Variants in STAT3 observed in about 807,000 individuals in gnomAD.
STAT3 encodes the protein DNA-binding protein APRF.
In STAT3, 7 loss-of-function variants were observed where a neutral mutation model predicts 114.3. That is an observed-to-expected ratio of 0.06 (90% confidence interval 0.03 to 0.11). The LOEUF (loss-of-function observed/expected upper bound fraction) is 0.11, where lower values mean the gene tolerates loss of function less well. Among genes scored for constraint, STAT3 ranks in the 10% least tolerant of loss-of-function variants. The pLI, the probability that STAT3 is intolerant of heterozygous loss-of-function variation, is 1.00. For missense variants in STAT3, 364 were observed against 960.9 expected (o/e 0.38, Z 8.21); for synonymous variants, 331 against 354.5 (o/e 0.93, Z 0.74).
chr17:42,348,617 C>A, intron 1 of STAT3, 78 bp from the exon 2 acceptor site: 1 of 1,538,154 alleles, frequency 6.5e-7, no homozygotes, highest in Non-Finnish European at 8.9e-7. Flanking sequence ...TTGCCCAACA[C>A]AGGTGTCAGG....
chr17:42,364,806 A>C (rs1952810282), intron 1 of STAT3, among the ~76,000 whole-genome samples: 1 of 152,184 alleles, frequency 6.6e-6, no homozygotes, highest in South Asian at 2.1e-4. Context: ...TCTGAGTCTC[A>C]AAGTCATAAA....
At chr17:42,360,880 G>A (rs1403172576) in intron 1 of STAT3, among the ~76,000 whole-genome samples, 2 of 152,098 alleles carry the variant, frequency 1.3e-5, no homozygotes, top group Non-Finnish European at 2.9e-5. Context: ...CAGGGTGTGA[G>A]GAGTTGAAGA....
At position 42,335,977 on chromosome 17, in the gene STAT3, G is replaced by A. The variant is rs867741387; in HGVS notation, c.797+1458C>T. 4.6e-5 allele frequency among the ~76,000 whole-genome samples: 7 copies of A among 151,388 alleles called. No homozygotes were observed. The South Asian group carries it at 1.3e-3, about 27-fold the overall frequency. On this transcript the variant is annotated intron_variant, in intron 8 of 23. Coordinates refer to ENST00000264657, the MANE Select transcript of STAT3 (RefSeq NM_139276.3). ...GACAGAAAGTGAAAGGAGAGGGAGGGGGACCGCTGCAGGGATTTCTGAACT... is the reference window on the plus strand; with the variant it reads ...GACAGAAAGTGAAAGGAGAGGGAGGAGGACCGCTGCAGGGATTTCTGAACT...
At chr17:42,376,407 C>A (rs934092396) in intron 1 of STAT3, among the ~76,000 whole-genome samples, 1 of 150,844 alleles carries the variant, frequency 6.6e-6, no homozygotes, top group Admixed American at 6.6e-5. Flanking sequence ...ATTAGCTGTG[C>A]GTGGTGGCAC....
rs537273486 is a variant in STAT3 at position 42,314,289 on chromosome 17, A to G, written c.*1456T>C. 39 of 233,386 alleles carry G rather than the reference A, an allele frequency of 1.7e-4. No individual in the cohort carries two copies. In the East Asian group the frequency reaches 2.4e-3, roughly 14 times the overall value. 14.5% of individuals were successfully genotyped at this position (233,386 alleles called of 1,614,324 possible). ...ACTGGATATCACCAAGAAACTGGCT[A>G]AGAACCATATTCCCTGAGCTCAACC... On this transcript the variant is annotated 3_prime_UTR_variant, in exon 24 of 24. Coordinates refer to ENST00000264657, the MANE Select transcript of STAT3 (RefSeq NM_139276.3).
intron 1 of STAT3, among the ~76,000 whole-genome samples, chr17:42,369,250 C>T (rs190346807): frequency 4.6e-5 from 7 of 152,150 alleles, no homozygotes; most frequent in Admixed American, 2.0e-4. Context: ...CCCAGCTACT[C>T]GGGAGGCTGA....
intron 21 of STAT3, among the ~76,000 whole-genome samples, chr17:42,321,003 CTT>C (rs563711046): frequency 1.1e-4 from 17 of 151,360 alleles, no homozygotes; most frequent in Non-Finnish European, 2.1e-4. Flanking sequence ...CCAGGCTGGT[CTT>C]GAGTTCCTGG....
At chr17:42,352,554 A>T (rs1193601761) in intron 1 of STAT3, among the ~76,000 whole-genome samples, 1 of 151,802 alleles carries the variant, frequency 6.6e-6, no homozygotes, top group Non-Finnish European at 1.5e-5. Flanking sequence ...CAATATTTGC[A>T]TTAGGGCCAA....
At position 42,365,656 on chromosome 17, in the gene STAT3, T is replaced by TG. The variant is rs796562662; in HGVS notation, c.-23-17118_-23-17117insC. On this transcript the variant is annotated intron_variant, in intron 1 of 23. Coordinates refer to ENST00000264657, the MANE Select transcript of STAT3 (RefSeq NM_139276.3). ...CTGTTAAAGTTTTTTTTTTTTGTTT[T>TG]TTTTTGTTTTTTTTTTTGAGACGGA... Among the ~76,000 whole-genome samples, 9 of 150,996 alleles carry TG rather than the reference T, an allele frequency of 6.0e-5. No homozygotes were observed. The South Asian group carries it at 1.5e-3, about 25-fold the overall frequency.
rs35499754 is a variant in STAT3 at position 42,345,551 on chromosome 17, G to C, written c.372+8C>G. 2 of 1,596,914 alleles carry C rather than the reference G, an allele frequency of 1.3e-6. No individual in the cohort carries two copies. Among genetic ancestry groups the C allele is most frequent in the African/African-American group, 1.3e-5 (1 of 74,264 alleles). On this transcript the variant is annotated splice_region_variant and intron_variant, in intron 4 of 23. Coordinates refer to ENST00000264657, the MANE Select transcript of STAT3 (RefSeq NM_139276.3). Reference sequence around the variant, plus strand: ...CAGACCAGGGATTTGTTTTGTCTCAGGTCTCACCTGGGCCGCAGTGGCTGC... The same window carrying C: ...CAGACCAGGGATTTGTTTTGTCTCACGTCTCACCTGGGCCGCAGTGGCTGC...
At position 42,345,663 on chromosome 17, in the gene STAT3, A is replaced by G; in HGVS notation, c.274-6T>C. Reference sequence around the variant, plus strand: ...GGCTTCTCAAGATACCTGCTCTATAAGTAGGAGAGAAAGAGAATAAAAATC... The same window carrying G: ...GGCTTCTCAAGATACCTGCTCTATAGGTAGGAGAGAAAGAGAATAAAAATC... On this transcript the variant is annotated splice_region_variant and splice_polypyrimidine_tract_variant and intron_variant, in intron 3 of 23. Transcript: ENST00000264657. 2 of 1,593,322 alleles carry G rather than the reference A, an allele frequency of 1.3e-6. No individual in the cohort carries two copies. Among genetic ancestry groups the G allele is most frequent in the Non-Finnish European group, 1.7e-6 (2 of 1,167,662 alleles).
At chr17:42,348,841 A>T (rs561633023) in intron 1 of STAT3, among the ~76,000 whole-genome samples, 72 of 152,068 alleles carry the variant, frequency 4.7e-4, no homozygotes, top group South Asian at 8.3e-4. Context: ...CTCCCAGTTT[A>T]GAACAATACA....
chr17:42,325,615 A>G (rs888377064), intron 15 of STAT3, among the ~76,000 whole-genome samples: 20 of 150,612 alleles, frequency 1.3e-4, no homozygotes, highest in Non-Finnish European at 2.7e-4. Flanking sequence ...CCCAGGCTGG[A>G]GTGCAATGGC....
At chr17:42,354,806 CAA>C (rs59204136) in intron 1 of STAT3, among the ~76,000 whole-genome samples, 63 of 104,348 alleles carry the variant, frequency 6.0e-4, no homozygotes, top group African/African-American at 2.2e-3. Flanking sequence ...GACTCTGTCT[CAA>C]AAAAAAAAAA....
At chr17:42,374,937 C>T (rs539104224) in intron 1 of STAT3, among the ~76,000 whole-genome samples, 6 of 152,242 alleles carry the variant, frequency 3.9e-5, no homozygotes, top group African/African-American at 7.2e-5. Flanking sequence ...GCTTTATATA[C>T]GTTACATGTA....
At chr17:42,346,068 G>A (rs996979082) in intron 3 of STAT3, among the ~76,000 whole-genome samples, 2 of 151,904 alleles carry the variant, frequency 1.3e-5, no homozygotes, top group Admixed American at 6.6e-5. Context: ...TGTAGAGATG[G>A]TGTCTTGTTA....
chr17:42,317,729 A>G (rs1234471619), intron 21 of STAT3, among the ~76,000 whole-genome samples: 1 of 152,204 alleles, frequency 6.6e-6, no homozygotes, highest in African/African-American at 2.4e-5. Context: ...GCCAAAGGTT[A>G]TATCTCTTAT....
At chr17:42,320,855 A>T (rs2081444567) in intron 21 of STAT3, among the ~76,000 whole-genome samples, 2 of 152,044 alleles carry the variant, frequency 1.3e-5, no homozygotes, top group South Asian at 4.1e-4. Context: ...TCAAAACAGC[A>T]AGTGCTGAAG....
chr17:42,330,658 T>C (rs1159723606), intron 11 of STAT3, among the ~76,000 whole-genome samples: 1 of 148,418 alleles, frequency 6.7e-6, no homozygotes, highest in African/African-American at 2.5e-5. Flanking sequence ...CTCGATCTCC[T>C]GACCTCGTGA....
Sources: gnomAD v4.1 joint callset for allele counts (sites outside exome capture counted in the v4.1 genomes callset) on GRCh38, gnomAD v4.1.1 for gene constraint, MANE v1.5 for transcripts, NCBI Gene and HGNC (gene_info 2026-07-23, HGNC 2026-07-21) for gene names.